DACH1: variants seen among roughly 807,000 people sequenced by gnomAD.
DACH1 encodes dachshund family transcription factor 1.
DACH1 carries 12 observed loss-of-function variants against 54.2 expected under a neutral mutation model. That is an observed-to-expected ratio of 0.22 (90% CI 0.14 to 0.36). DACH1 has a LOEUF of 0.36. DACH1 is among the 10% of genes least tolerant of loss of function. The probability of loss-of-function intolerance (pLI) is 1.00; values close to 1 mark genes in which losing one functional copy is unlikely to be tolerated. For synonymous variants in DACH1, 386 were observed against 366.2 expected (o/e 1.05, Z -0.62); for missense variants, 805 against 929.8 (o/e 0.87, Z 1.75).
At chr13:71,720,040 C>T (rs1322176367) in intron 1 of DACH1, among the ~76,000 whole-genome samples, 1 of 152,126 alleles carries the variant, frequency 6.6e-6, no homozygotes, top group African/African-American at 2.4e-5. Context: ...GAATAAACTA[C>T]TAAAATGCTG....
intron 1 of DACH1, among the ~76,000 whole-genome samples, chr13:71,841,207 A>C (rs1872815704): frequency 6.6e-6 from 1 of 152,136 alleles, no homozygotes. Context: ...TTTTCTTCCC[A>C]GGGTTTCTAA....
intron 9 of DACH1, 78 bp downstream of exon 9, chr13:71,475,628 A>C (rs1877445167): frequency 1.4e-6 from 2 of 1,473,142 alleles, no homozygotes; most frequent in East Asian, 4.7e-5. Flanking sequence ...AAACATACAA[A>C]ACTACAAACA....
intron 6 of DACH1, among the ~76,000 whole-genome samples, chr13:71,499,016 T>C (rs1336408795): frequency 6.6e-6 from 1 of 152,112 alleles, no homozygotes; most frequent in African/African-American, 2.4e-5. Context: ...CTCGGGTATC[T>C]GTGTACAGAG....
rs762320829 is a variant in DACH1, at chr13:71,661,964, C to A, written c.964+19831G>T. Among the ~76,000 whole-genome samples the A allele has an allele frequency of 8.4e-4, 127 of 152,036 alleles. 1 individual carries two copies. The highest frequency in any genetic ancestry group is 1.5e-3 in the Non-Finnish European group (99 of 67,940). The stretch of plus-strand genomic sequence containing the variant: ...AATGTCCCTACTCAGAGCCCCCATT[C>A]TTCTCTAAATATTCTCATTTCCTTC... On this transcript the variant is annotated intron_variant, in intron 2 of 10. Coordinates refer to ENST00000613252, the MANE Select transcript of DACH1 (RefSeq NM_080759.6).
chr13:71,532,429 T>C (rs942821810), intron 6 of DACH1, among the ~76,000 whole-genome samples: 2 of 152,020 alleles, frequency 1.3e-5, no homozygotes, highest in African/African-American at 4.8e-5. Flanking sequence ...TACTATTTAC[T>C]AACTCCCGTT....
chr13:71,710,452 T>TTGTGTGTG (rs71681955), intron 1 of DACH1, among the ~76,000 whole-genome samples: 21 of 140,562 alleles, frequency 1.5e-4, no homozygotes, highest in African/African-American at 5.5e-4. Flanking sequence ...TATGAGGGTT[T>TTGTGTGTG]TGTGTGTGTG....
chr13:71,676,343 G>T (rs1194546668), intron 2 of DACH1, among the ~76,000 whole-genome samples: 1 of 151,950 alleles, frequency 6.6e-6, no homozygotes, highest in East Asian at 1.9e-4. Flanking sequence ...TCAGCCTCCC[G>T]AGTAGCTGGA....
At chr13:71,852,451 A>C (rs981187582) in intron 1 of DACH1, among the ~76,000 whole-genome samples, 2 of 152,188 alleles carry the variant, frequency 1.3e-5, no homozygotes, top group Non-Finnish European at 2.9e-5. Flanking sequence ...AGGAATGAAC[A>C]AATGAACTAT....
At chr13:71,606,634 C>G (rs1360975443) in intron 3 of DACH1, among the ~76,000 whole-genome samples, 1 of 151,946 alleles carries the variant, frequency 6.6e-6, no homozygotes, top group African/African-American at 2.4e-5. Context: ...ATGAAGCATG[C>G]CAACACTGAA....
chr13:71,748,168 G>A (rs1884685670), intron 1 of DACH1, among the ~76,000 whole-genome samples: 1 of 151,408 alleles, frequency 6.6e-6, no homozygotes, highest in Non-Finnish European at 1.5e-5. Context: ...GTTAATATTG[G>A]GATCTGAAAA....
intron 1 of DACH1, among the ~76,000 whole-genome samples, chr13:71,836,147 C>T (rs571675480): frequency 1.1e-4 from 16 of 151,988 alleles, no homozygotes; most frequent in Non-Finnish European, 2.1e-4. Flanking sequence ...CTGAATCACA[C>T]ATTTTATTCC....
At chr13:71,605,813 C>CT (rs1179505388) in intron 3 of DACH1, among the ~76,000 whole-genome samples, 1 of 151,856 alleles carries the variant, frequency 6.6e-6, no homozygotes, top group African/African-American at 2.4e-5. Flanking sequence ...GAAGTGAAGA[C>CT]AGTCTCCCAG....
intron 2 of DACH1, among the ~76,000 whole-genome samples, chr13:71,657,042 A>ATG (rs1399359572): frequency 6.7e-6 from 1 of 148,198 alleles, no homozygotes; most frequent in East Asian, 2.0e-4. Context: ...ATACATAAAC[A>ATG]TGTGTGTGTG....
chr13:71,861,264 A>C (rs556322320), intron 1 of DACH1, among the ~76,000 whole-genome samples: 28 of 152,150 alleles, frequency 1.8e-4, no homozygotes, highest in African/African-American at 5.8e-4. Context: ...TTGAAGCTTC[A>C]CAAAATAAAA....
intron 1 of DACH1, among the ~76,000 whole-genome samples, chr13:71,703,193 C>A (rs1464331183): frequency 6.6e-6 from 1 of 152,200 alleles, no homozygotes; most frequent in Non-Finnish European, 1.5e-5. Flanking sequence ...ATTAGCTATT[C>A]CCTTCCTGAC....
intron 3 of DACH1, among the ~76,000 whole-genome samples, chr13:71,627,350 A>G (rs914267758): frequency 6.6e-6 from 1 of 151,864 alleles, no homozygotes; most frequent in African/African-American, 2.4e-5. Flanking sequence ...AAAAAAAAAA[A>G]AAGCCTAAAA....
chr13:71,450,777 A>C (rs1479296169), intron 10 of DACH1, among the ~76,000 whole-genome samples: 2 of 152,172 alleles, frequency 1.3e-5, no homozygotes, highest in Non-Finnish European at 2.9e-5. Flanking sequence ...GCTGATATGG[A>C]GAAAGTTTGA....
At chr13:71,506,169 G>T (rs1880305201) in intron 6 of DACH1, among the ~76,000 whole-genome samples, 1 of 150,858 alleles carries the variant, frequency 6.6e-6, no homozygotes, top group Admixed American at 6.6e-5. Context: ...AAGTTTTAGG[G>T]TACATGTGCA....
rs562305030 is a variant in DACH1, at chr13:71,614,382, G to A, written c.1126+16174C>T. Among the ~76,000 whole-genome samples the A allele has an allele frequency of 2.6e-5, 4 of 152,140 alleles. No homozygotes were observed. In the South Asian group the frequency reaches 8.3e-4, roughly 32 times the overall value. ...AATGGATGTAGGAATGGATAACACA[G>A]AAACTATTTACAGAATCCTGAGAAA... On this transcript the variant is annotated intron_variant, in intron 3 of 10. Coordinates refer to ENST00000613252, the MANE Select transcript of DACH1 (RefSeq NM_080759.6).
Sources: allele counts gnomAD v4.1 joint callset (sites outside exome capture counted in the v4.1 genomes callset), GRCh38; gene constraint gnomAD v4.1.1; transcripts MANE v1.5; gene names NCBI Gene and HGNC (gene_info 2026-07-23, HGNC 2026-07-21).